Variants in PUM2 observed in about 807,000 individuals in gnomAD.
PUM2 encodes pumilio RNA binding family member 2.
PUM2 carries 57 observed loss-of-function variants against 124.5 expected under a neutral mutation model. The ratio of observed to expected loss-of-function variants is 0.46; its 90% CI spans 0.37 to 0.57. PUM2 has a LOEUF of 0.57. PUM2 is among the 20% of genes least tolerant of loss of function. The probability of loss-of-function intolerance (pLI) is 0.00; values close to 1 mark genes in which losing one functional copy is unlikely to be tolerated. For missense variants in PUM2, 1,065 were observed against 1,290.6 expected, an observed-to-expected ratio of 0.83 and a Z score of 2.68; for synonymous variants, 460 against 446.1, an observed-to-expected ratio of 1.03 and a Z score of -0.39.
chr2:20,272,403 T>C (rs1041550549), intron 13 of PUM2, among the ~76,000 whole-genome samples: 3 of 152,188 alleles, frequency 2.0e-5, no homozygotes, highest in African/African-American at 7.2e-5. Context: ...CATTTGGATA[T>C]TCAACTACTC....
chr2:20,332,599 G>A (rs568368370), intron 1 of PUM2, among the ~76,000 whole-genome samples: 1 of 151,984 alleles, frequency 6.6e-6, no homozygotes, highest in Non-Finnish European at 1.5e-5. Context: ...GAAGAGATGG[G>A]GAGACAGTTG....
At chr2:20,345,010 G>GAA (rs1553412153) in intron 1 of PUM2, among the ~76,000 whole-genome samples, 5 of 129,906 alleles carry the variant, frequency 3.8e-5, no homozygotes, top group Non-Finnish European at 8.3e-5. Context: ...AAAAAGAAAA[G>GAA]AAGATTCCGC....
At chr2:20,332,282 A>AGTGTGTGTGTGTGTGT (rs55986830) in intron 1 of PUM2, among the ~76,000 whole-genome samples, 2,046 of 145,348 alleles carry the variant, frequency 0.014, 21 homozygotes, top group Non-Finnish European at 0.016. Flanking sequence ...ATACTACTAG[A>AGTGTGTGTGTGTGTGT]GTGTGTGTGT....
At chr2:20,282,734 A>T (rs1414320594) in intron 12 of PUM2, among the ~76,000 whole-genome samples, 1 of 152,208 alleles carries the variant, frequency 6.6e-6, no homozygotes, top group Non-Finnish European at 1.5e-5. Context: ...TGTATTATAT[A>T]TGAGTAAAGA....
chr2:20,294,351 A>G, intron 9 of PUM2, 25 bp downstream of exon 9: 1 of 1,609,678 alleles, frequency 6.2e-7, no homozygotes, highest in Non-Finnish European at 8.5e-7. Context: ...AATACTTGGT[A>G]TTACTTAATA....
intron 1 of PUM2, among the ~76,000 whole-genome samples, chr2:20,336,189 T>A (rs1021154622): frequency 3.5e-5 from 5 of 141,560 alleles, no homozygotes; most frequent in African/African-American, 1.3e-4. Context: ...TTTTTTGTTT[T>A]TTTGTTTGTT....
chr2:20,336,935 T>G (rs936089339), intron 1 of PUM2, among the ~76,000 whole-genome samples: 2 of 152,016 alleles, frequency 1.3e-5, no homozygotes, highest in Non-Finnish European at 2.9e-5. Context: ...TATTCCTAAA[T>G]TATTTTCTGT....
intron 2 of PUM2, among the ~76,000 whole-genome samples, chr2:20,320,770 CA>C (rs1682132955): frequency 1.3e-5 from 2 of 151,802 alleles, no homozygotes; most frequent in African/African-American, 2.4e-5. Context: ...CGTAAATATT[CA>C]ACAAAACATA....
Position 20,278,749 on chromosome 2 carries a change from T to C in PUM2, c.1791A>G (p.Arg597=). Residue 597 remains arginine, a synonymous_variant, in exon 13 of 21, where the codon AGA becomes AGG. Coordinates refer to ENST00000361078, the MANE Select transcript of PUM2 (RefSeq NM_015317.5). ...CTATGGGTGCTAGGCTGCTACTAGA[T>C]CTTTTGTACAAGTCAGAGCTAGTAG... is the stretch of plus-strand genomic sequence containing the variant. The part of the protein sequence containing the change: ...SLSTSSDLYK[R]SSSSLAPIGQ... The C allele has an allele frequency of 1.2e-6, 2 of 1,613,570 alleles. No individual in the cohort carries two copies. Among genetic ancestry groups the C allele is most frequent in the Non-Finnish European group, 1.7e-6 (2 of 1,179,694 alleles).
chr2:20,292,465 T>G (rs2148188898), intron 9 of PUM2, among the ~76,000 whole-genome samples: 1 of 152,012 alleles, frequency 6.6e-6, no homozygotes, highest in Non-Finnish European at 1.5e-5. Context: ...TGGATTCAAG[T>G]GCTTCTCCCA....
At chr2:20,299,363 A>G (rs1189002995) in intron 7 of PUM2, among the ~76,000 whole-genome samples, 2 of 152,026 alleles carry the variant, frequency 1.3e-5, no homozygotes, top group Non-Finnish European at 2.9e-5. Context: ...GCATGAGAGT[A>G]GAGGAAAAAC....
At chr2:20,308,793 T>C (rs1167787160) in intron 5 of PUM2, among the ~76,000 whole-genome samples, 2 of 152,160 alleles carry the variant, frequency 1.3e-5, no homozygotes, top group East Asian at 1.9e-4. Context: ...AAAAATATTA[T>C]TAATGATTAC....
At chr2:20,307,875 G>A (rs758517917) in intron 7 of PUM2, 103 bp downstream of exon 7, 2 of 1,424,140 alleles carry the variant, frequency 1.4e-6, no homozygotes, top group Non-Finnish European at 1.9e-6. Context: ...GATCTCAGAT[G>A]TTTCAAAAAG....
At chr2:20,298,456 C>T (rs899478972) in intron 7 of PUM2, among the ~76,000 whole-genome samples, 1 of 152,216 alleles carries the variant, frequency 6.6e-6, no homozygotes, top group African/African-American at 2.4e-5. Context: ...TAAAAATATA[C>T]ATTTGCAGTA....
intron 1 of PUM2, among the ~76,000 whole-genome samples, chr2:20,341,191 C>T (rs961789024): frequency 1.3e-5 from 2 of 151,664 alleles, no homozygotes; most frequent in Admixed American, 6.6e-5. Context: ...CCCTGCCCCG[C>T]AAAAAAAGAA....
intron 13 of PUM2, among the ~76,000 whole-genome samples, chr2:20,269,857 C>G (rs1257827906): frequency 6.6e-6 from 1 of 152,158 alleles, no homozygotes; most frequent in African/African-American, 2.4e-5. Context: ...CAGACTATCA[C>G]CATACAAGGT....
intron 12 of PUM2, 148 bp downstream of exon 12, chr2:20,282,799 T>TC: frequency 1.1e-6 from 1 of 883,644 alleles, no homozygotes; most frequent in Non-Finnish European, 1.6e-6. Context: ...ATTTGCAGGA[T>TC]TTTTTTTTCC....
intron 1 of PUM2, chr2:20,350,366 G>A (rs1573072621): frequency 1.4e-6 from 1 of 710,902 alleles, no homozygotes. Flanking sequence ...GAAGGAAGCG[G>A]GAAAGCGGCC....
At chr2:20,303,729 A>G (rs951923503) in intron 7 of PUM2, among the ~76,000 whole-genome samples, 1 of 152,118 alleles carries the variant, frequency 6.6e-6, no homozygotes, top group Non-Finnish European at 1.5e-5. Flanking sequence ...GCGACCATCT[A>G]CGTTTTATAT....
Sources: gnomAD v4.1 joint callset for allele counts (sites outside exome capture counted in the v4.1 genomes callset) on GRCh38, gnomAD v4.1.1 for gene constraint, MANE v1.5 for transcripts, NCBI Gene and HGNC (gene_info 2026-07-23, HGNC 2026-07-21) for gene names.